SLC35F1: variants seen among roughly 807,000 people sequenced by gnomAD.
SLC35F1 encodes the protein solute carrier family 35 member F1.
A neutral mutation model predicts 48.7 loss-of-function variants in SLC35F1; 14 were observed. That is an observed-to-expected ratio of 0.29 (90% CI 0.19 to 0.45). The LOEUF (loss-of-function observed/expected upper bound fraction) is 0.45, where lower values mean the gene tolerates loss of function less well. SLC35F1 is among the 20% of genes least tolerant of loss of function. The pLI, the probability that SLC35F1 is intolerant of heterozygous loss-of-function variation, is 1.00. For missense variants in SLC35F1, 404 were observed against 500.0 expected (o/e 0.81, Z 1.83); for synonymous variants, 190 against 202.2 (o/e 0.94, Z 0.51).
intron 6 of SLC35F1, among the ~76,000 whole-genome samples, chr6:118,279,087 A>G (rs1277581315): frequency 6.6e-6 from 1 of 152,260 alleles, no homozygotes; most frequent in Non-Finnish European, 1.5e-5. Flanking sequence ...AATGGCCTCC[A>G]TAGCACAGTA....
intron 1 of SLC35F1, among the ~76,000 whole-genome samples, chr6:117,929,453 A>ATGTGTGTGTGTG (rs143634465): frequency 0.011 from 1,562 of 146,068 alleles, 27 homozygotes; most frequent in African/African-American, 0.037. Context: ...GTATGTATTT[A>ATGTGTGTGTGTG]TGTGTGTGTG....
At chr6:118,138,651 T>C (rs1197722788) in intron 1 of SLC35F1, among the ~76,000 whole-genome samples, 1 of 152,228 alleles carries the variant, frequency 6.6e-6, no homozygotes, top group Non-Finnish European at 1.5e-5. Context: ...TAGAATTCAA[T>C]TAAATTCAAC....
At chr6:118,268,630 G>GTT (rs1319585468) in intron 4 of SLC35F1, among the ~76,000 whole-genome samples, 3 of 80,282 alleles carry the variant, frequency 3.7e-5, no homozygotes, top group Admixed American at 3.7e-4. Context: ...TTTTTTTTGA[G>GTT]ACAGAGTCCC....
chr6:118,134,219 T>TTCA (rs1773759427), intron 1 of SLC35F1, among the ~76,000 whole-genome samples: 1 of 152,176 alleles, frequency 6.6e-6, no homozygotes, highest in Non-Finnish European at 1.5e-5. Flanking sequence ...TTCTGGTGGG[T>TTCA]GTTTGCTAGG....
At chr6:118,213,369 A>G (rs980745837) in intron 2 of SLC35F1, among the ~76,000 whole-genome samples, 2 of 152,200 alleles carry the variant, frequency 1.3e-5, no homozygotes, top group African/African-American at 4.8e-5. Context: ...TGTGTTAGCA[A>G]GGATGGGGAG....
At chr6:118,242,064 A>G (rs1775447917) in intron 3 of SLC35F1, among the ~76,000 whole-genome samples, 1 of 152,230 alleles carries the variant, frequency 6.6e-6, no homozygotes, top group African/African-American at 2.4e-5. Context: ...TTAATAAAGT[A>G]TTCATTTCTC....
intron 1 of SLC35F1, among the ~76,000 whole-genome samples, chr6:118,082,219 A>G (rs1772921878): frequency 6.6e-6 from 1 of 152,210 alleles, no homozygotes; most frequent in African/African-American, 2.4e-5. Flanking sequence ...AGGTGATTCT[A>G]GTTTATAACT....
rs1554244292 is a variant in SLC35F1 at position 118,281,204 on chromosome 6, CTATA to C, written c.847+3673_847+3676del. Reference sequence around the variant, plus strand: ...TCTCTCTCTCTCTCTCTCTCTCTCTCTATATATATATATATATAAAATATTAACT... The same window carrying C: ...TCTCTCTCTCTCTCTCTCTCTCTCTCTATATATATATATAAAATATTAACT... On this transcript the variant is annotated intron_variant, in intron 6 of 7. Transcript: ENST00000360388. 2.5e-3 allele frequency among the ~76,000 whole-genome samples: 323 copies of C among 130,482 alleles called. 1 individual carries two copies. Among genetic ancestry groups the C allele is most frequent in the Admixed American group, 5.2e-3 (67 of 12,806 alleles). The allele number at this position is 130,482 out of a possible 152,430, so 85.6% of individuals were successfully genotyped here.
At chr6:117,907,967 C>A in intron 1 of SLC35F1, 68 bp downstream of exon 1, 1 of 1,272,388 alleles carries the variant, frequency 7.9e-7, no homozygotes, top group Non-Finnish European at 9.9e-7. Context: ...GGGTCCCCTC[C>A]GTCCCTGGGG....
chr6:118,019,832 C>A (rs1384636390), intron 1 of SLC35F1, among the ~76,000 whole-genome samples: 1 of 152,002 alleles, frequency 6.6e-6, no homozygotes, highest in Admixed American at 6.5e-5. Flanking sequence ...CATAAATAAC[C>A]CTTATATATA....
intron 1 of SLC35F1, among the ~76,000 whole-genome samples, chr6:118,039,381 A>C (rs1358706563): frequency 2.0e-5 from 3 of 152,022 alleles, no homozygotes; most frequent in Non-Finnish European, 4.4e-5. Flanking sequence ...TGAATCTATA[A>C]GTCTGTGTCT....
intron 2 of SLC35F1, among the ~76,000 whole-genome samples, chr6:118,161,998 A>T (rs948598033): frequency 6.6e-6 from 1 of 152,350 alleles, no homozygotes; most frequent in East Asian, 1.9e-4. Flanking sequence ...TACATTTGCC[A>T]TGTGACTCAA....
rs79688889 is a variant in SLC35F1, at chr6:118,316,337, T to C, written c.*2085T>C. 0.02 allele frequency: 3,115 copies of C among 152,790 alleles called. 60 individuals are homozygous for C. Among genetic ancestry groups the C allele is most frequent in the Middle Eastern group, 0.041 (12 of 294 alleles). The allele number at this position is 152,790 out of a possible 1,614,324, so 9.5% of individuals were successfully genotyped here. ...GGGGAAAATATCAGCGTTAAAGCTC[T>C]ATCAAATCAAAACAACTTTGCCAAC... On this transcript the variant is annotated 3_prime_UTR_variant, in exon 8 of 8. Coordinates refer to ENST00000360388, the MANE Select transcript of SLC35F1 (RefSeq NM_001029858.4).
At chr6:118,142,989 G>T (rs1292566096) in intron 1 of SLC35F1, among the ~76,000 whole-genome samples, 1 of 152,092 alleles carries the variant, frequency 6.6e-6, no homozygotes, top group Non-Finnish European at 1.5e-5. Flanking sequence ...CAAGTTAAAT[G>T]CATAATTGAT....
At chr6:118,232,105 G>A (rs568840277) in intron 2 of SLC35F1, among the ~76,000 whole-genome samples, 2 of 152,288 alleles carry the variant, frequency 1.3e-5, no homozygotes, top group South Asian at 4.1e-4. Context: ...ATACATTTAT[G>A]TTATTTATTG....
At chr6:118,253,587 G>T (rs1184478548) in intron 3 of SLC35F1, among the ~76,000 whole-genome samples, 1 of 152,024 alleles carries the variant, frequency 6.6e-6, no homozygotes, top group Non-Finnish European at 1.5e-5. Flanking sequence ...AGGTCCCTCA[G>T]AAACACCAAC....
chr6:118,090,963 A>G (rs1429477664), intron 1 of SLC35F1, among the ~76,000 whole-genome samples: 1 of 152,116 alleles, frequency 6.6e-6, no homozygotes, highest in Non-Finnish European at 1.5e-5. Context: ...GAAGTGGAAT[A>G]GAGTTTGAAG....
At chr6:118,266,879 C>A in intron 3 of SLC35F1, 116 bp from the exon 4 acceptor site, 1 of 1,118,668 alleles carries the variant, frequency 8.9e-7, no homozygotes. Flanking sequence ...TACACAAAAT[C>A]TCAGGTTCAG....
At chr6:118,080,713 A>T (rs1302923333) in intron 1 of SLC35F1, among the ~76,000 whole-genome samples, 2 of 152,174 alleles carry the variant, frequency 1.3e-5, no homozygotes, top group East Asian at 3.9e-4. Context: ...TTGGGAAGAT[A>T]GTGGGAGTCC....
Sources: allele counts gnomAD v4.1 joint callset (sites outside exome capture counted in the v4.1 genomes callset), GRCh38; gene constraint gnomAD v4.1.1; transcripts MANE v1.5; gene names NCBI Gene and HGNC (gene_info 2026-07-23, HGNC 2026-07-21).